Variants in RALGPS2 observed in about 807,000 individuals in gnomAD.
The protein encoded by RALGPS2 is Ral GEF with PH domain and SH3 binding motif 2, also known as ras-specific guanine nucleotide-releasing factor RalGPS2.
A neutral mutation model predicts 86.8 loss-of-function variants in RALGPS2; 43 were observed. The ratio of observed to expected loss-of-function variants is 0.50; its 90% CI spans 0.39 to 0.64. RALGPS2 has a LOEUF of 0.64. RALGPS2 is among the 30% of genes least tolerant of loss of function. The pLI, the probability that RALGPS2 is intolerant of heterozygous loss-of-function variation, is 0.00. For missense variants in RALGPS2, 536 were observed against 694.6 expected, an observed-to-expected ratio of 0.77 and a Z score of 2.57; for synonymous variants, 243 against 231.3, an observed-to-expected ratio of 1.05 and a Z score of -0.46.
intron 16 of RALGPS2, among the ~76,000 whole-genome samples, chr1:178,896,863 G>T (rs1284521667): frequency 6.7e-6 from 1 of 150,052 alleles, no homozygotes; most frequent in African/African-American, 2.5e-5. Context: ...GTCTATCATT[G>T]TTGGACATTT....
chr1:178,765,199 G>A (rs1350750023), intron 1 of RALGPS2, among the ~76,000 whole-genome samples: 1 of 151,490 alleles, frequency 6.6e-6, no homozygotes, highest in Non-Finnish European at 1.5e-5. Context: ...CTGTCGCCCA[G>A]GCTGGAGTTC....
intron 1 of RALGPS2, chr1:178,747,061 G>A (rs1651377463): frequency 1.2e-6 from 1 of 866,674 alleles, no homozygotes; most frequent in Admixed American, 1.8e-5. Context: ...CAGTTGATCT[G>A]GGGTCTGAGA....
chr1:178,851,235 C>T (rs1160677351), intron 8 of RALGPS2: 1 of 1,613,830 alleles, frequency 6.2e-7, no homozygotes, highest in African/African-American at 1.3e-5. Context: ...GTAATGGCCT[C>T]CTCTGTACCA....
intron 6 of RALGPS2, among the ~76,000 whole-genome samples, chr1:178,819,988 A>G (rs1024009294): frequency 6.6e-6 from 1 of 152,150 alleles, no homozygotes; most frequent in African/African-American, 2.4e-5. Flanking sequence ...TTTTTTCCCC[A>G]GATTTTAGAA....
rs74129712 is a variant in RALGPS2, at chr1:178,872,393, G to A, written c.608-5105G>A. Among the ~76,000 whole-genome samples, 508 of 152,278 alleles carry A rather than the reference G, an allele frequency of 3.3e-3. 3 individuals are homozygous for A. Among genetic ancestry groups the A allele is most frequent in the African/African-American group, 0.012 (499 of 41,564 alleles). ...TAATATAAATCAGTGAAGTAAATCA[G>A]TAGTAAGATACTGGAGGGAAATGAA... On this transcript the variant is annotated intron_variant, in intron 8 of 19. Transcript: ENST00000367635.
chr1:178,892,149 A>G, intron 14 of RALGPS2, 81 bp from the exon 15 acceptor site: 2 of 1,210,202 alleles, frequency 1.7e-6, no homozygotes, highest in Middle Eastern at 2.1e-4. Flanking sequence ...AGAAGAAACT[A>G]TTATACTGTT....
chr1:178,837,328 T>A (rs1471496474), intron 8 of RALGPS2, among the ~76,000 whole-genome samples: 1 of 152,202 alleles, frequency 6.6e-6, no homozygotes, highest in Non-Finnish European at 1.5e-5. Flanking sequence ...TGTGCAGAAG[T>A]GAATTCATCA....
intron 7 of RALGPS2, among the ~76,000 whole-genome samples, chr1:178,831,909 A>T (rs1485058776): frequency 6.6e-6 from 1 of 152,174 alleles, no homozygotes; most frequent in Admixed American, 6.5e-5. Context: ...TTACAAAATC[A>T]TGTTATAGTT....
intron 2 of RALGPS2, among the ~76,000 whole-genome samples, chr1:178,777,722 C>T (rs1194263963): frequency 2.0e-5 from 3 of 152,036 alleles, no homozygotes; most frequent in Admixed American, 1.3e-4. Flanking sequence ...AGAACAGAGC[C>T]CTCGGAAATA....
chr1:178,741,046 G>A (rs566669052), intron 1 of RALGPS2, among the ~76,000 whole-genome samples: 8 of 152,106 alleles, frequency 5.3e-5, no homozygotes, highest in Non-Finnish European at 1.0e-4. Flanking sequence ...TGATATTTGA[G>A]GTAATTTGAT....
intron 6 of RALGPS2, 129 bp downstream of exon 6, chr1:178,811,533 A>T: frequency 1.6e-6 from 1 of 634,378 alleles, no homozygotes; most frequent in Non-Finnish European, 2.6e-6. Context: ...ATATAAGTCA[A>T]TTTTTAAAAT....
intron 18 of RALGPS2, among the ~76,000 whole-genome samples, chr1:178,905,240 C>T (rs1660342324): frequency 6.6e-6 from 1 of 152,162 alleles, no homozygotes; most frequent in South Asian, 2.1e-4. Context: ...AGGCATAATT[C>T]ACGAAATTAC....
chr1:178,835,003 C>T (rs1364761002), intron 8 of RALGPS2, among the ~76,000 whole-genome samples: 1 of 152,190 alleles, frequency 6.6e-6, no homozygotes, highest in Non-Finnish European at 1.5e-5. Flanking sequence ...GTCTTGAACT[C>T]CTGGCCTCAA....
intron 19 of RALGPS2, among the ~76,000 whole-genome samples, chr1:178,913,270 A>G (rs1407630146): frequency 6.6e-6 from 1 of 151,786 alleles, no homozygotes; most frequent in Non-Finnish European, 1.5e-5. Flanking sequence ...CAACAGAGCA[A>G]GACTCCCATC....
intron 2 of RALGPS2, among the ~76,000 whole-genome samples, chr1:178,783,251 A>G (rs1466049724): frequency 6.6e-6 from 1 of 152,206 alleles, no homozygotes; most frequent in South Asian, 2.1e-4. Context: ...TAGACTGGTG[A>G]CCAATAGACA....
intron 8 of RALGPS2, among the ~76,000 whole-genome samples, chr1:178,847,626 G>T (rs1236912298): frequency 1.3e-5 from 2 of 152,038 alleles, no homozygotes; most frequent in Non-Finnish European, 2.9e-5. Flanking sequence ...TTACTACAAA[G>T]ATTAATTTAA....
chr1:178,733,523 A>T (rs1014917254), intron 1 of RALGPS2, among the ~76,000 whole-genome samples: 6 of 152,254 alleles, frequency 3.9e-5, no homozygotes, highest in Non-Finnish European at 8.8e-5. Context: ...ATGCCACTGC[A>T]TACCCACCAG....
chr1:178,916,249 G>A, intron 19 of RALGPS2, 81 bp from the exon 20 acceptor site: 2 of 1,146,248 alleles, frequency 1.7e-6, no homozygotes, highest in Non-Finnish European at 2.6e-6. Flanking sequence ...GATTGGGCTT[G>A]CCTAAATAAC....
At chr1:178,836,524 C>T (rs1265520782) in intron 8 of RALGPS2, among the ~76,000 whole-genome samples, 1 of 152,162 alleles carries the variant, frequency 6.6e-6, no homozygotes, top group Non-Finnish European at 1.5e-5. Context: ...TCCATCTTCA[C>T]TCTCTAGAAA....
Sources: gnomAD v4.1 joint callset for allele counts (sites outside exome capture counted in the v4.1 genomes callset) on GRCh38, gnomAD v4.1.1 for gene constraint, MANE v1.5 for transcripts, NCBI Gene and HGNC (gene_info 2026-07-23, HGNC 2026-07-21) for gene names.